Variants in KMT2C observed in about 807,000 individuals in gnomAD.
KMT2C encodes histone-lysine N-methyltransferase 2C.
In KMT2C, 88 loss-of-function variants were observed where a neutral mutation model predicts 507.9. That is an observed-to-expected ratio of 0.17 (90% CI 0.15 to 0.21). The LOEUF (loss-of-function observed/expected upper bound fraction) is 0.21, where lower values mean the gene tolerates loss of function less well. Among genes scored for constraint, KMT2C ranks in the 10% least tolerant of loss-of-function variants. The pLI is 1.00. For synonymous variants in KMT2C, 2,049 were observed against 2,080.8 expected, an observed-to-expected ratio of 0.98 and a Z score of 0.42; for missense variants, 4,954 against 5,957.8, an observed-to-expected ratio of 0.83 and a Z score of 5.55.
chr7:152,192,691 T>C (rs2093838506), intron 31 of KMT2C, among the ~76,000 whole-genome samples: 1 of 152,094 alleles, frequency 6.6e-6, no homozygotes, highest in African/African-American at 2.4e-5. Context: ...AAAACACAAA[T>C]ATTTCCATTA....
intron 9 of KMT2C, among the ~76,000 whole-genome samples, chr7:152,256,872 G>A (rs2095669857): frequency 6.6e-6 from 1 of 152,130 alleles, no homozygotes; most frequent in Non-Finnish European, 1.5e-5. Context: ...TGTTAGCAAA[G>A]ACGTAAGAAA....
intron 1 of KMT2C, among the ~76,000 whole-genome samples, chr7:152,409,064 C>T (rs145129122): frequency 2.6e-5 from 4 of 151,580 alleles, no homozygotes; most frequent in East Asian, 1.9e-4. Context: ...AGTGCAGTGG[C>T]GCCATCTCAA....
chr7:152,364,944 C>G (rs2097228877), intron 1 of KMT2C, among the ~76,000 whole-genome samples: 2 of 150,828 alleles, frequency 1.3e-5, no homozygotes, highest in Admixed American at 6.6e-5. Flanking sequence ...GACACACACA[C>G]ACACACACAC....
chr7:152,261,709 TAGGAA>T (rs374953031), intron 9 of KMT2C, among the ~76,000 whole-genome samples: 9 of 152,190 alleles, frequency 5.9e-5, no homozygotes, highest in Admixed American at 1.3e-4. Context: ...CCTTTTTCCT[TAGGAA>T]AGGAAAGAAA....
At chr7:152,387,478 T>TC (rs1451030540) in intron 1 of KMT2C, among the ~76,000 whole-genome samples, 2 of 123,134 alleles carry the variant, frequency 1.6e-5, no homozygotes, top group African/African-American at 6.0e-5. Flanking sequence ...CATTTTTTTT[T>TC]TTTTTTTTTT....
chr7:152,303,209 A>G (rs1044741363), intron 6 of KMT2C, among the ~76,000 whole-genome samples: 10 of 152,250 alleles, frequency 6.6e-5, no homozygotes, highest in Non-Finnish European at 2.9e-5. Flanking sequence ...AGAGAAAACA[A>G]AATTGCTTGA....
chr7:152,418,576 C>T (rs528768345), intron 1 of KMT2C, among the ~76,000 whole-genome samples: 6 of 152,000 alleles, frequency 3.9e-5, no homozygotes, highest in African/African-American at 7.2e-5. Flanking sequence ...AGACTACAGG[C>T]GCATGCCACC....
At chr7:152,427,439 T>C (rs2097829683) in intron 1 of KMT2C, among the ~76,000 whole-genome samples, 1 of 152,256 alleles carries the variant, frequency 6.6e-6, no homozygotes, top group African/African-American at 2.4e-5. Flanking sequence ...TTTACAACTT[T>C]TGGAAAGGTT....
chr7:152,409,232 C>T (rs760300000), intron 1 of KMT2C, among the ~76,000 whole-genome samples: 13 of 151,964 alleles, frequency 8.6e-5, no homozygotes, highest in Non-Finnish European at 1.8e-4. Context: ...GTCTTGAACG[C>T]CTTACCTCGA....
At position 152,182,654 on chromosome 7, in the gene KMT2C, T is replaced by C. The variant is rs1406778785; in HGVS notation, c.5266-60A>G. 1.8e-5 allele frequency: 26 copies of C among 1,421,418 alleles called. No individual in the cohort carries two copies. In the Admixed American group the frequency reaches 5.9e-4, roughly 32 times the overall value. 88.1% of individuals were successfully genotyped at this position (1,421,418 alleles called of 1,614,324 possible). Reference sequence around the variant, plus strand: ...AGGTTAAGGAAGAAAACTACCATCATGGGGGGAAAAAGCAACAGAAAGTTA... The same window carrying C: ...AGGTTAAGGAAGAAAACTACCATCACGGGGGGAAAAAGCAACAGAAAGTTA... On this transcript the variant is annotated intron_variant, in intron 35 of 58. Transcript: ENST00000262189.
chr7:152,206,753 G>C (rs897560851), intron 24 of KMT2C, among the ~76,000 whole-genome samples: 14 of 152,108 alleles, frequency 9.2e-5, no homozygotes, highest in African/African-American at 3.1e-4. Flanking sequence ...AAACTGACAA[G>C]CAAGACCGCT....
chr7:152,348,612 A>AAAG (rs1263912188), intron 2 of KMT2C, among the ~76,000 whole-genome samples: 8 of 148,770 alleles, frequency 5.4e-5, no homozygotes, highest in African/African-American at 2.0e-4. Context: ...AAAAAAAAAA[A>AAAG]AAAAAAAAAA....
chr7:152,201,617 G>GGAAAAAAAAAAAAAAAAAAA (rs1491277955), intron 26 of KMT2C, among the ~76,000 whole-genome samples: 2 of 22,874 alleles, frequency 8.7e-5, no homozygotes, highest in African/African-American at 1.6e-4. Flanking sequence ...CAACAAAGAT[G>GGAAAAAAAAAAAAAAAAAAA]AAAAAAAAAA....
intron 39 of KMT2C, 50 bp from the exon 40 acceptor site, chr7:152,171,392 T>C: frequency 8.5e-7 from 1 of 1,176,826 alleles, no homozygotes; most frequent in Non-Finnish European, 1.2e-6. Flanking sequence ...TTAGAAATTA[T>C]TAATATTAAT....
chr7:152,354,544 G>T (rs899985149), intron 2 of KMT2C, among the ~76,000 whole-genome samples: 23 of 152,246 alleles, frequency 1.5e-4, no homozygotes, highest in African/African-American at 5.1e-4. Flanking sequence ...AAATAAAGCA[G>T]GAGAAGACAA....
At chr7:152,139,165 T>G (rs375657633) in intron 57 of KMT2C, 21 bp downstream of exon 57, 8 of 1,612,476 alleles carry the variant, frequency 5.0e-6, no homozygotes, top group Non-Finnish European at 6.8e-6. Flanking sequence ...GCACTCCCCG[T>G]CAGGTTCCTC....
At chr7:152,430,896 G>A (rs1228166794) in intron 1 of KMT2C, among the ~76,000 whole-genome samples, 1 of 152,104 alleles carries the variant, frequency 6.6e-6, no homozygotes, top group Non-Finnish European at 1.5e-5. Flanking sequence ...GAAGTTTCAC[G>A]AAGCCCCTCC....
At chr7:152,296,991 G>A (rs1588998506) in intron 6 of KMT2C, among the ~76,000 whole-genome samples, 1 of 95,744 alleles carries the variant, frequency 1.0e-5, no homozygotes, top group African/African-American at 3.7e-5. Context: ...AAGAAAGAAA[G>A]AAAGAAAAAG....
At chr7:152,221,211 C>T (rs1393421505) in intron 22 of KMT2C, among the ~76,000 whole-genome samples, 2 of 152,258 alleles carry the variant, frequency 1.3e-5, no homozygotes, top group African/African-American at 2.4e-5. Context: ...GAGCCGAGAT[C>T]GTGCCACTGC....
Sources: allele counts gnomAD v4.1 joint callset (sites outside exome capture counted in the v4.1 genomes callset), GRCh38; gene constraint gnomAD v4.1.1; transcripts MANE v1.5; gene names NCBI Gene and HGNC (gene_info 2026-07-23, HGNC 2026-07-21).